The following KCNJ6 variants were observed in gnomAD, a reference collection of about 807,000 sequenced individuals.
The protein encoded by KCNJ6 is G protein-activated inward rectifier potassium channel 2.
Under a neutral mutation model 34.2 loss-of-function variants are expected in KCNJ6, and 9 were observed. The observed-to-expected ratio is 0.26, with a 90% confidence interval of 0.16 to 0.46. KCNJ6 has a LOEUF of 0.46. KCNJ6 is among the 20% of genes least tolerant of loss of function. The pLI is 1.00. For missense variants in KCNJ6, 236 were observed against 531.3 expected, an observed-to-expected ratio of 0.44 and a Z score of 5.46; for synonymous variants, 196 against 207.1, an observed-to-expected ratio of 0.95 and a Z score of 0.46.
chr21:37,795,299 C>T (rs1286924919), intron 2 of KCNJ6, among the ~76,000 whole-genome samples: 1 of 152,116 alleles, frequency 6.6e-6, no homozygotes, highest in African/African-American at 2.4e-5. Flanking sequence ...CCCAGCATGC[C>T]TTCGGGTGAT....
chr21:37,764,731 G>A (rs949593976), intron 2 of KCNJ6, among the ~76,000 whole-genome samples: 7 of 152,200 alleles, frequency 4.6e-5, no homozygotes, highest in Non-Finnish European at 8.8e-5. Context: ...GCAGTCTGCA[G>A]TCAGTTGTAT....
intron 2 of KCNJ6, among the ~76,000 whole-genome samples, chr21:37,812,009 T>C (rs1335467001): frequency 6.6e-6 from 1 of 152,184 alleles, no homozygotes; most frequent in East Asian, 1.9e-4. Context: ...AATATTTATA[T>C]TGTTTAGGTA....
At chr21:37,853,173 C>T (rs1004217419) in intron 1 of KCNJ6, among the ~76,000 whole-genome samples, 19 of 149,598 alleles carry the variant, frequency 1.3e-4, no homozygotes, top group Non-Finnish European at 2.7e-4. Context: ...ACTACAGATC[C>T]AAGGAGCCAA....
chr21:37,726,921 A>C (rs147129231), intron 2 of KCNJ6, among the ~76,000 whole-genome samples: 1 of 152,198 alleles, frequency 6.6e-6, no homozygotes, highest in African/African-American at 2.4e-5. Context: ...GTGACCTTAT[A>C]TGGAAATAGG....
chr21:37,607,482 A>ATATATATATATATATTTTTTTTT lies in KCNJ6; in HGVS notation c.*17676_*17677insAAAAAAAAATATATATATATATA. On this transcript the variant is annotated 3_prime_UTR_variant, in exon 4 of 4. Coordinates refer to ENST00000609713, the MANE Select transcript of KCNJ6 (RefSeq NM_002240.5). ...CTTAAAGATATATATATATATATAT[A>ATATATATATATATATTTTTTTTT]TTTTTTTTTTATTTTAAAAAAATTT... 1 of 136,758 alleles carries ATATATATATATATATTTTTTTTT rather than the reference A, an allele frequency of 7.3e-6. No individual in the cohort carries two copies. The highest frequency in any genetic ancestry group is 2.7e-5 in the African/African-American group (1 of 36,426). The allele number at this position is 136,758 out of a possible 1,614,324, so 8.5% of individuals were successfully genotyped here.
intron 3 of KCNJ6, among the ~76,000 whole-genome samples, chr21:37,633,072 G>T (rs1435978210): frequency 6.6e-6 from 1 of 152,056 alleles, no homozygotes; most frequent in Non-Finnish European, 1.5e-5. Flanking sequence ...TTATTCACTT[G>T]TGTAGCTACA....
chr21:37,717,782 CTTAAGTGGGAGAAGAGGGT>C (rs926035833), intron 2 of KCNJ6, among the ~76,000 whole-genome samples: 3 of 152,166 alleles, frequency 2.0e-5, no homozygotes, highest in African/African-American at 7.2e-5. Flanking sequence ...TTTCTGAGTC[CTTAAGTGGGAGAAGAGGGT>C]TTGTCAAATT....
At chr21:37,779,483 G>C (rs772023602) in intron 2 of KCNJ6, among the ~76,000 whole-genome samples, 1 of 152,166 alleles carries the variant, frequency 6.6e-6, no homozygotes, top group Non-Finnish European at 1.5e-5. Flanking sequence ...CCCCTAACCT[G>C]TCTGATTGCA....
At chr21:37,660,838 C>T (rs142368978) in intron 3 of KCNJ6, among the ~76,000 whole-genome samples, 31 of 152,294 alleles carry the variant, frequency 2.0e-4, no homozygotes, top group African/African-American at 7.2e-4. Flanking sequence ...GGCCTGTCTC[C>T]CATCGGTGTC....
intron 3 of KCNJ6, among the ~76,000 whole-genome samples, chr21:37,706,295 T>C (rs1238895675): frequency 6.6e-6 from 1 of 152,232 alleles, no homozygotes; most frequent in African/African-American, 2.4e-5. Flanking sequence ...ATTTTTCAGC[T>C]CAGCTTACTG....
chr21:37,804,934 A>C (rs1438949024), intron 2 of KCNJ6, among the ~76,000 whole-genome samples: 2 of 152,246 alleles, frequency 1.3e-5, no homozygotes, highest in Non-Finnish European at 2.9e-5. Flanking sequence ...ATGATGTGGT[A>C]CAATGGAATA....
chr21:37,878,438 G>C (rs2055689999), intron 1 of KCNJ6, among the ~76,000 whole-genome samples: 1 of 152,230 alleles, frequency 6.6e-6, no homozygotes, highest in Non-Finnish European at 1.5e-5. Flanking sequence ...GGCAAGTAGT[G>C]AAACCAGCTC....
chr21:37,682,704 G>A (rs2054596088), intron 3 of KCNJ6, among the ~76,000 whole-genome samples: 1 of 152,214 alleles, frequency 6.6e-6, no homozygotes, highest in South Asian at 2.1e-4. Flanking sequence ...CTGGGGCCTA[G>A]GATGTGGACA....
chr21:37,824,761 G>C (rs996689539), intron 2 of KCNJ6, among the ~76,000 whole-genome samples: 2 of 152,136 alleles, frequency 1.3e-5, no homozygotes, highest in Non-Finnish European at 2.9e-5. Context: ...TTTCCTGAGG[G>C]AGGTCGCCTA....
intron 3 of KCNJ6, among the ~76,000 whole-genome samples, chr21:37,697,820 A>G (rs1255493675): frequency 6.6e-6 from 1 of 152,200 alleles, no homozygotes; most frequent in African/African-American, 2.4e-5. Context: ...TGTTGATGGT[A>G]CATTATTCTA....
intron 2 of KCNJ6, among the ~76,000 whole-genome samples, chr21:37,834,792 C>T (rs2055443780): frequency 6.6e-6 from 1 of 152,206 alleles, no homozygotes; most frequent in South Asian, 2.1e-4. Flanking sequence ...AGCAGACAGC[C>T]AAGACCTCTG....
At chr21:37,876,311 G>T (rs928440317) in intron 1 of KCNJ6, among the ~76,000 whole-genome samples, 4 of 152,126 alleles carry the variant, frequency 2.6e-5, no homozygotes, top group African/African-American at 9.7e-5. Flanking sequence ...CGGTTTCAGG[G>T]GTTAAGTAAC....
intron 3 of KCNJ6, among the ~76,000 whole-genome samples, chr21:37,667,797 C>G (rs1403602667): frequency 6.6e-6 from 1 of 152,070 alleles, no homozygotes; most frequent in Non-Finnish European, 1.5e-5. Context: ...ATATATTGCC[C>G]TCTGTCTCCC....
At chr21:37,659,953 G>A (rs753396418) in intron 3 of KCNJ6, among the ~76,000 whole-genome samples, 1 of 152,240 alleles carries the variant, frequency 6.6e-6, no homozygotes, top group South Asian at 2.1e-4. Context: ...CAGAAATGTA[G>A]ATGGCTGCAC....
Sources: gnomAD v4.1 joint callset for allele counts (sites outside exome capture counted in the v4.1 genomes callset) on GRCh38, gnomAD v4.1.1 for gene constraint, MANE v1.5 for transcripts, NCBI Gene and HGNC (gene_info 2026-07-23, HGNC 2026-07-21) for gene names.